TFAP4: variants seen among roughly 807,000 people sequenced by gnomAD.
TFAP4 encodes the protein activating enhancer-binding protein 4.
TFAP4 carries 7 observed loss-of-function variants against 40.4 expected under a neutral mutation model. The ratio of observed to expected loss-of-function variants is 0.17; its 90% CI spans 0.10 to 0.33. TFAP4 has a LOEUF of 0.33. TFAP4 is among the 10% of genes least tolerant of loss of function. The probability of loss-of-function intolerance (pLI) is 1.00; values close to 1 mark genes in which losing one functional copy is unlikely to be tolerated. For missense variants in TFAP4, 374 were observed against 451.1 expected, an observed-to-expected ratio of 0.83 and a Z score of 1.55; for synonymous variants, 218 against 181.4, an observed-to-expected ratio of 1.20 and a Z score of -1.62.
intron 6 of TFAP4, 136 bp downstream of exon 6, chr16:4,259,954 A>T: frequency 8.3e-7 from 1 of 1,211,278 alleles, no homozygotes; most frequent in South Asian, 1.6e-5. Context: ...GGGGCCCCCC[A>T]AGGCTTCCAG....
intron 1 of TFAP4, chr16:4,266,806 G>C (rs1362679456): frequency 1.3e-5 from 2 of 152,184 alleles, no homozygotes; most frequent in Non-Finnish European, 2.9e-5. Flanking sequence ...TCCTCTCTCT[G>C]GCCACTTCAG....
intron 1 of TFAP4, among the ~76,000 whole-genome samples, chr16:4,270,176 CA>C (rs548015250): frequency 1.0e-3 from 149 of 142,324 alleles, no homozygotes; most frequent in Non-Finnish European, 1.6e-3. Flanking sequence ...GACTCCGTCT[CA>C]AAAAAAAAAA....
chr16:4,260,096 G>T lies in TFAP4; in HGVS notation c.816C>A (p.Ile272=), dbSNP rs201856455. ...VSTSRQNLDT[I]VQAIQHIEGT... is the part of the protein sequence containing the mutation. ...CTTTCTCAAGCTCAGGTACCTGCAC[G>T]ATGGTGTCCAGATTTTGCCGGGATG... is the stretch of plus-strand genomic sequence containing the variant. Residue 272 remains isoleucine (I), a synonymous_variant, in exon 6 of 7, where the codon ATC becomes ATA. Transcript: ENST00000204517. The T allele has an allele frequency of 1.2e-6, 2 of 1,611,134 alleles. No homozygotes were observed. Among genetic ancestry groups the T allele is most frequent in the East Asian group, 2.3e-5 (1 of 44,430 alleles).
rs763648095 is a variant in TFAP4 at position 4,260,438 on chromosome 16, G to A, written c.666+17C>T. On this transcript the variant is annotated intron_variant, in intron 5 of 6. Transcript: ENST00000204517. ...TTCCCGGTCCCCAGAGCCCACTCCC[G>A]GGCGCCTCCTGCTCACCTGGGTCCG... The A allele has an allele frequency of 7.3e-5, 114 of 1,563,576 alleles. No individual in the cohort carries two copies. The highest frequency in any genetic ancestry group is 1.7e-4 in the Middle Eastern group (1 of 5,854).
chr16:4,258,998 G>T (rs1352624182), intron 6 of TFAP4, among the ~76,000 whole-genome samples: 1 of 151,516 alleles, frequency 6.6e-6, no homozygotes, highest in Non-Finnish European at 1.5e-5. Context: ...TGAGGCAGGA[G>T]AATCACTTGA....
In TFAP4 at chr16:4,257,399, A is replaced by C. The variant is rs1432977062; in HGVS notation, c.*656T>G. ...AAGAAATAAAAAACCAACAACAAAC[A>C]AAACAAAAAGAGAGAGACAGACATT... On this transcript the variant is annotated 3_prime_UTR_variant, in exon 7 of 7. Transcript: ENST00000204517. 1.3e-5 allele frequency: 2 copies of C among 151,434 alleles called. No individual in the cohort carries two copies. The highest frequency in any genetic ancestry group is 2.9e-5 in the Non-Finnish European group (2 of 67,872). 9.4% of individuals were successfully genotyped at this position (151,434 alleles called of 1,614,324 possible). A position where few individuals can be genotyped will look rare whatever the true frequency, so the allele number is the denominator to read the frequency against.
intron 1 of TFAP4, chr16:4,265,169 G>A (rs1206693541): frequency 1.3e-5 from 2 of 152,150 alleles, no homozygotes; most frequent in African/African-American, 2.4e-5. Flanking sequence ...TGTAAAGAGG[G>A]GGGCACAGAG....
chr16:4,259,731 G>C (rs958854742), intron 6 of TFAP4, among the ~76,000 whole-genome samples: 1 of 152,138 alleles, frequency 6.6e-6, no homozygotes, highest in African/African-American at 2.4e-5. Context: ...TCTCCATCCA[G>C]GTCCTAGGAG....
At chr16:4,262,203 G>C in intron 3 of TFAP4, 121 bp downstream of exon 3, 1 of 1,200,800 alleles carries the variant, frequency 8.3e-7, no homozygotes, top group East Asian at 2.3e-5. Flanking sequence ...GAAAAAAAGT[G>C]CCTGGAAGTA....
intron 4 of TFAP4, among the ~76,000 whole-genome samples, chr16:4,260,958 GTTTT>G (rs1240845715): frequency 6.6e-6 from 1 of 152,028 alleles, no homozygotes; most frequent in Non-Finnish European, 1.5e-5. Flanking sequence ...CTTCAATATG[GTTTT>G]TTGTTTTTGT....
chr16:4,261,938 G>C lies in TFAP4; in HGVS notation c.366C>G (p.Gly122=). The C allele has an allele frequency of 6.2e-7, 1 of 1,608,680 alleles. No individual in the cohort carries two copies. The highest frequency in any genetic ancestry group is 8.5e-7 in the Non-Finnish European group (1 of 1,178,064). The change falls in exon 4 of 7, where the codon GGC becomes GGG. Residue 122 remains glycine (G), a synonymous_variant. Transcript: ENST00000204517. ...CTGCCCGCCGTCGCTTGGGGGACGAGCCGCTCAGCTCCTGGGGACCCCAAG... is the reference window on the plus strand; with the variant it reads ...CTGCCCGCCGTCGCTTGGGGGACGACCCGCTCAGCTCCTGGGGACCCCAAG... The part of the protein sequence containing the change: ...QLKRFIQELS[G]SSPKRRRAED...
chr16:4,258,423 T>G, intron 6 of TFAP4, 174 bp from the exon 7 acceptor site: 1 of 586,534 alleles, frequency 1.7e-6, no homozygotes, highest in Non-Finnish European at 2.9e-6. Context: ...TCCTTTTACT[T>G]TTTTTTTGGA....
In TFAP4 at chr16:4,261,984, C is replaced by T. The variant is rs201066218; in HGVS notation, c.355-35G>A. 2.1e-4 allele frequency: 327 copies of T among 1,561,904 alleles called. 5 individuals are homozygous for T. The East Asian group carries it at 7.3e-3, about 35-fold the overall frequency. ...CCAAGGAGTCGGTCAGTGTGCCTGA[C>T]ACCTCGGTACCACCACGGAGATTGG... On this transcript the variant is annotated intron_variant, in intron 3 of 6. Coordinates refer to ENST00000204517, the MANE Select transcript of TFAP4 (RefSeq NM_003223.3).
chr16:4,269,809 C>T (rs1346420934), intron 1 of TFAP4, among the ~76,000 whole-genome samples: 3 of 104,572 alleles, frequency 2.9e-5, no homozygotes, highest in African/African-American at 1.1e-4. Flanking sequence ...GAGTCCATCT[C>T]AAAACAAACA....
intron 1 of TFAP4, among the ~76,000 whole-genome samples, chr16:4,268,929 C>T (rs1376330474): frequency 6.6e-6 from 1 of 151,846 alleles, no homozygotes; most frequent in East Asian, 1.9e-4. Flanking sequence ...TCTCTGTTAC[C>T]CAGGCTAGAG....
At chr16:4,272,455 C>T (rs2053047350) in intron 1 of TFAP4, among the ~76,000 whole-genome samples, 1 of 151,988 alleles carries the variant, frequency 6.6e-6, no homozygotes. Flanking sequence ...GTGGCCGGGG[C>T]CGCTTGGGGC....
At position 4,258,124 on chromosome 16, in the gene TFAP4, G is replaced by A; in HGVS notation, c.948C>T (p.Ser316=). Reference sequence around the variant, plus strand: ...CCATGGCGTCACTGTCTGAGGCCTCGGAGTCGGAGGCGGTGTCAGAGGTGG... The same window carrying A: ...CCATGGCGTCACTGTCTGAGGCCTCAGAGTCGGAGGCGGTGTCAGAGGTGG... ...EAPTSDTASD[S]EASDSDAMDQ... The change falls in exon 7 of 7, where the codon TCC becomes TCT. Residue 316 remains serine (S), a synonymous_variant. Transcript: ENST00000204517. 5 of 1,613,720 alleles carry A rather than the reference G, an allele frequency of 3.1e-6. No individual in the cohort carries two copies. The highest frequency in any genetic ancestry group is 1.1e-5 in the South Asian group (1 of 91,056).
intron 1 of TFAP4, among the ~76,000 whole-genome samples, chr16:4,269,761 GA>G (rs200095427): frequency 0.016 from 2,374 of 152,036 alleles, 71 homozygotes; most frequent in African/African-American, 0.055. Flanking sequence ...AGTGAGCCGA[GA>G]TTGCGCCACT....
chr16:4,262,790 C>G (rs1023372272), intron 1 of TFAP4, 89 bp from the exon 2 acceptor site: 14 of 1,466,888 alleles, frequency 9.5e-6, no homozygotes, highest in Non-Finnish European at 1.3e-5. Context: ...CATCCCTCCC[C>G]TGCTGCAAAA....
Sources: gnomAD v4.1 joint callset for allele counts (sites outside exome capture counted in the v4.1 genomes callset) on GRCh38, gnomAD v4.1.1 for gene constraint, MANE v1.5 for transcripts, NCBI Gene and HGNC (gene_info 2026-07-23, HGNC 2026-07-21) for gene names.